The following AMBRA1 variants were observed in gnomAD, a reference collection of about 807,000 sequenced individuals.
AMBRA1 encodes autophagy and beclin 1 regulator 1.
Under a neutral mutation model 125.4 loss-of-function variants are expected in AMBRA1, and 47 were observed. The ratio of observed to expected loss-of-function variants is 0.37; its 90% CI spans 0.30 to 0.48. The LOEUF (loss-of-function observed/expected upper bound fraction) is 0.48. Among genes scored for constraint, AMBRA1 ranks in the 20% least tolerant of loss-of-function variants. The pLI is 0.99. For missense variants in AMBRA1, 1,331 were observed against 1,693.4 expected, an observed-to-expected ratio of 0.79 and a Z score of 3.76; for synonymous variants, 626 against 655.5, an observed-to-expected ratio of 0.95 and a Z score of 0.69.
chr11:46,511,933 CA>C (rs140501340), intron 8 of AMBRA1, among the ~76,000 whole-genome samples: 21,415 of 152,264 alleles, frequency 0.14, 1,575 homozygotes, highest in Non-Finnish European at 0.17. Context: ...CTGCTCACTG[CA>C]ACCTCTGCCT....
chr11:46,570,740 A>G (rs2043728338), intron 1 of AMBRA1, among the ~76,000 whole-genome samples: 2 of 152,116 alleles, frequency 1.3e-5, no homozygotes, highest in Admixed American at 1.3e-4. Context: ...AGGTTTTTCT[A>G]TATTAACACA....
intron 1 of AMBRA1, among the ~76,000 whole-genome samples, chr11:46,573,778 C>T (rs1339913874): frequency 2.7e-5 from 4 of 150,274 alleles, no homozygotes; most frequent in Non-Finnish European, 4.4e-5. Flanking sequence ...AACTCATCAT[C>T]TAGCATTAGG....
At chr11:46,398,314 G>C (rs1945554195) in intron 17 of AMBRA1, among the ~76,000 whole-genome samples, 1 of 152,200 alleles carries the variant, frequency 6.6e-6, no homozygotes, top group African/African-American at 2.4e-5. Context: ...TGGAAACTCA[G>C]CAGACCTAGG....
intron 7 of AMBRA1, among the ~76,000 whole-genome samples, chr11:46,526,501 A>C (rs912374272): frequency 6.6e-6 from 1 of 150,490 alleles, no homozygotes; most frequent in Non-Finnish European, 1.5e-5. Flanking sequence ...GAAGTCTGCT[A>C]TCCCTGTCAT....
intron 11 of AMBRA1, among the ~76,000 whole-genome samples, chr11:46,490,174 A>G (rs991023074): frequency 1.3e-5 from 2 of 152,188 alleles, no homozygotes; most frequent in African/African-American, 4.8e-5. Flanking sequence ...GGAGCTCCTC[A>G]GACTTTTGTA....
chr11:46,436,026 A>C (rs1356454495), intron 12 of AMBRA1, among the ~76,000 whole-genome samples: 1 of 152,216 alleles, frequency 6.6e-6, no homozygotes, highest in African/African-American at 2.4e-5. Context: ...AAACAGACCA[A>C]GCTCATCAGG....
intron 14 of AMBRA1, among the ~76,000 whole-genome samples, chr11:46,428,062 T>C (rs1329117807): frequency 6.7e-6 from 1 of 148,822 alleles, no homozygotes; most frequent in Non-Finnish European, 1.5e-5. Context: ...CCCTGCTGCC[T>C]GGGACCTGTT....
chr11:46,406,241 A>G (rs1480513422), intron 17 of AMBRA1, among the ~76,000 whole-genome samples: 13 of 151,130 alleles, frequency 8.6e-5, no homozygotes, highest in African/African-American at 3.2e-4. Flanking sequence ...TTTAGTAGAG[A>G]CAGCGTTTCA....
rs143238548 is a variant in AMBRA1, at chr11:46,450,424, G to A, written c.2522-6826C>T. On this transcript the variant is annotated intron_variant, in intron 11 of 17. Transcript: ENST00000683756. Reference sequence around the variant, plus strand: ...TTTGCAGGGAGGCAGAGACGAACAGGTGAGCACAAGATTTTTTTTTTTTTT... The same window carrying A: ...TTTGCAGGGAGGCAGAGACGAACAGATGAGCACAAGATTTTTTTTTTTTTT... Among the ~76,000 whole-genome samples the A allele has an allele frequency of 7.2e-4, 109 of 152,182 alleles. 1 individual carries two copies. Among genetic ancestry groups the A allele is most frequent in the East Asian group, 3.7e-3 (19 of 5,180 alleles).
chr11:46,500,897 C>A (rs1240879943), intron 9 of AMBRA1, among the ~76,000 whole-genome samples: 1 of 152,204 alleles, frequency 6.6e-6, no homozygotes, highest in Non-Finnish European at 1.5e-5. Context: ...TACAGTCTAT[C>A]TTTTTAGATA....
intron 7 of AMBRA1, among the ~76,000 whole-genome samples, chr11:46,538,653 C>A (rs1274863937): frequency 6.6e-6 from 1 of 152,064 alleles, no homozygotes; most frequent in Non-Finnish European, 1.5e-5. Flanking sequence ...CACCACCATG[C>A]CTGGCTAATT....
chr11:46,484,141 T>C (rs539561805), intron 11 of AMBRA1, among the ~76,000 whole-genome samples: 2 of 152,280 alleles, frequency 1.3e-5, no homozygotes, highest in East Asian at 3.9e-4. Context: ...GGGCCCAAGG[T>C]AGGGGATATC....
chr11:46,527,543 A>G (rs533007755), intron 7 of AMBRA1, among the ~76,000 whole-genome samples: 3 of 151,228 alleles, frequency 2.0e-5, no homozygotes, highest in South Asian at 4.2e-4. Context: ...TGCTAACCAT[A>G]TATCAGATAA....
chr11:46,429,141 G>T, intron 14 of AMBRA1: 3 of 1,591,600 alleles, frequency 1.9e-6, no homozygotes, highest in Non-Finnish European at 2.6e-6. Context: ...TTCTTCTTAG[G>T]CATCAACATC....
At chr11:46,551,608 C>T (rs188259751) in intron 1 of AMBRA1, among the ~76,000 whole-genome samples, 56 of 152,312 alleles carry the variant, frequency 3.7e-4, no homozygotes, top group Admixed American at 1.1e-3. Flanking sequence ...CGATGGCTCA[C>T]GCCTGTAATC....
chr11:46,494,185 T>A lies in AMBRA1; in HGVS notation c.2359A>T (p.Arg787Trp). 1 of 1,603,920 alleles carries A rather than the reference T, an allele frequency of 6.2e-7. No homozygotes were observed. Among genetic ancestry groups the A allele is most frequent in the Non-Finnish European group, 8.5e-7 (1 of 1,174,700 alleles). ...CGGGCATTGCGTGGAGCTCGGTGCC[T>A]GGATCTGTCACCATTGTCCCTGAAA... The part of the protein sequence containing the change: ...EDFEDNGDRS[R>W]HRAPRNARMS... The change falls in exon 10 of 18, where the codon AGG becomes TGG. Residue 787 changes from arginine (R) to tryptophan (W), a missense_variant. Physicochemically the swap from Arg to Trp is moderately radical, Grantham distance 101. Transcript: ENST00000683756.
intron 7 of AMBRA1, among the ~76,000 whole-genome samples, chr11:46,519,085 G>A (rs981998657): frequency 1.3e-5 from 2 of 152,130 alleles, no homozygotes; most frequent in African/African-American, 2.4e-5. Flanking sequence ...GTACAGTGGC[G>A]CGATCTTGGC....
chr11:46,542,432 G>A lies in AMBRA1; in HGVS notation c.1585C>T (p.Gln529Ter), dbSNP rs1952795193. 1.9e-6 allele frequency: 3 copies of A among 1,613,940 alleles called. No homozygotes were observed. Among genetic ancestry groups the A allele is most frequent in the Non-Finnish European group, 1.7e-6 (2 of 1,180,034 alleles). ...SLSGEAPQTQ[Q>*]AQEMLNNNIE... ...TTATTGTTGAGCATTTCCTGGGCCT[G>A]TTGGGTCTGGGGAGCTTCCCCACTC... The change falls in exon 7 of 18, where the codon CAG becomes TAG. Residue 529 changes from glutamine to a stop codon, truncating the protein, a stop_gained. Transcript: ENST00000683756. LOFTEE classifies it high-confidence loss of function. The surrounding 1 kb of genome is among the most constrained non-coding windows in gnomAD (Gnocchi z 5.9).
At chr11:46,462,654 C>G (rs1949146202) in intron 11 of AMBRA1, among the ~76,000 whole-genome samples, 1 of 152,118 alleles carries the variant, frequency 6.6e-6, no homozygotes, top group African/African-American at 2.4e-5. Flanking sequence ...CATACTGCCC[C>G]CACTATCTAG....
Sources: allele counts gnomAD v4.1 joint callset (sites outside exome capture counted in the v4.1 genomes callset), GRCh38; gene constraint gnomAD v4.1.1; non-coding constraint Gnocchi (gnomAD v3.1); transcripts MANE v1.5; gene names NCBI Gene and HGNC (gene_info 2026-07-23, HGNC 2026-07-21).